WDR20: variants seen among roughly 807,000 people sequenced by gnomAD.
WDR20 encodes the protein WD repeat domain 20.
WDR20 carries 3 observed loss-of-function variants against 38.7 expected under a neutral mutation model. The ratio of observed to expected loss-of-function variants is 0.08; its 90% CI spans 0.04 to 0.20. The LOEUF is 0.20. Among genes scored for constraint, WDR20 ranks in the 10% least tolerant of loss-of-function variants. The pLI is 1.00. For missense variants in WDR20, 559 were observed against 727.7 expected (o/e 0.77, Z 2.67); for synonymous variants, 298 against 285.6 (o/e 1.04, Z -0.44).
At chr14:102,216,087 C>T (rs1278230688), downstream of WDR20, among the ~76,000 whole-genome samples, 2 of 152,202 alleles carry the variant, frequency 1.3e-5, no homozygotes, top group African/African-American at 2.4e-5. Context: ...GCTCTGCCTC[C>T]AGCACGTTCA....
At chr14:102,154,189 TA>T (rs2056838180) in intron 1 of WDR20, among the ~76,000 whole-genome samples, 1 of 152,216 alleles carries the variant, frequency 6.6e-6, no homozygotes, top group African/African-American at 2.4e-5. Flanking sequence ...TTTCATATAC[TA>T]CTTACTACTG....
At chr14:102,179,567 G>A (rs1006784684) in intron 1 of WDR20, among the ~76,000 whole-genome samples, 1 of 151,424 alleles carries the variant, frequency 6.6e-6, no homozygotes, top group Non-Finnish European at 1.5e-5. Context: ...ACAAACATGA[G>A]CCACCACACC....
chr14:102,214,304 T>C, downstream of WDR20: 1 of 985,450 alleles, frequency 1.0e-6, no homozygotes, highest in Non-Finnish European at 1.2e-6. Flanking sequence ...CGGGTGTTGC[T>C]TTAAGTTAAC....
At chr14:102,185,317 G>C (rs1348274185) in intron 1 of WDR20, among the ~76,000 whole-genome samples, 2 of 152,122 alleles carry the variant, frequency 1.3e-5, no homozygotes, top group Non-Finnish European at 1.5e-5. Flanking sequence ...AATTCTGTGA[G>C]GCAAATGATT....
intron 1 of WDR20, among the ~76,000 whole-genome samples, chr14:102,145,212 A>G (rs2053178904): frequency 6.6e-6 from 1 of 152,178 alleles, no homozygotes; most frequent in Admixed American, 6.5e-5. Context: ...TCTATACCAA[A>G]CTTGAAAGAG....
intron 1 of WDR20, among the ~76,000 whole-genome samples, chr14:102,181,595 TTATAAA>T (rs902096431): frequency 8.5e-5 from 13 of 152,210 alleles, no homozygotes; most frequent in Non-Finnish European, 1.6e-4. Context: ...TTTTTCCATA[TTATAAA>T]TATATTACAG....
Position 102,222,201 on chromosome 14 carries a change from C to T in WDR20, c.1693-629C>T, listed in dbSNP as rs908313162. ...TTGGCCCCCACATCCCTTCTCCACACCCAGCTGCAGCCTCACGGCAAGACT... is the reference window on the plus strand; with the variant it reads ...TTGGCCCCCACATCCCTTCTCCACATCCAGCTGCAGCCTCACGGCAAGACT... On this transcript the variant is annotated intron_variant, in intron 3 of 3. Transcript: ENST00000335263. This position sits in a 1 kb window ranked among gnomAD's most constrained non-coding sequence, Gnocchi z 4.4. 6.6e-6 allele frequency among the ~76,000 whole-genome samples: 1 copy of T among 152,130 alleles called. No homozygotes were observed. Among genetic ancestry groups the T allele is most frequent in the East Asian group, 1.9e-4 (1 of 5,186 alleles).
upstream of WDR20, chr14:102,139,651 C>G: frequency 1.5e-6 from 1 of 647,002 alleles, no homozygotes. Flanking sequence ...GCCGGCATCA[C>G]CTGGGAAGCA....
At chr14:102,165,619 T>C (rs1411713042) in intron 1 of WDR20, among the ~76,000 whole-genome samples, 1 of 151,254 alleles carries the variant, frequency 6.6e-6, no homozygotes, top group Non-Finnish European at 1.5e-5. Context: ...ATTTTTTGTT[T>C]CTTTTTCTTT....
chr14:102,171,661 CAT>C (rs2060844606), intron 1 of WDR20, among the ~76,000 whole-genome samples: 1 of 151,778 alleles, frequency 6.6e-6, no homozygotes, highest in African/African-American at 2.4e-5. Flanking sequence ...CAGTTTAAGA[CAT>C]AGTTGCCTGT....
At chr14:102,153,267 C>T (rs2056523479) in intron 1 of WDR20, among the ~76,000 whole-genome samples, 1 of 151,372 alleles carries the variant, frequency 6.6e-6, no homozygotes. Flanking sequence ...ACTATGCTTC[C>T]TGTAGAGGTT....
chr14:102,209,906 T>A lies in WDR20; in HGVS notation c.*26T>A. ...TGCTGCACCAGATCTAGAACTTGAA[T>A]AGGTAGTGACTTTTTTCTTTTTCGT... On this transcript the variant is annotated 3_prime_UTR_variant, in exon 3 of 3. Transcript: ENST00000342702. This position sits in a 1 kb window ranked among gnomAD's most constrained non-coding sequence, Gnocchi z 6.0. 2 of 1,568,716 alleles carry A rather than the reference T, an allele frequency of 1.3e-6. No homozygotes were observed. Among genetic ancestry groups the A allele is most frequent in the Non-Finnish European group, 8.6e-7 (1 of 1,158,232 alleles).
At chr14:102,153,282 A>G (rs1354896875) in intron 1 of WDR20, among the ~76,000 whole-genome samples, 1 of 150,910 alleles carries the variant, frequency 6.6e-6, no homozygotes, top group Admixed American at 6.7e-5. Flanking sequence ...GAGGTTGCAG[A>G]ACCATGAGCC....
intron 2 of WDR20, among the ~76,000 whole-genome samples, chr14:102,204,830 A>G: frequency 6.6e-6 from 1 of 152,250 alleles, no homozygotes; most frequent in East Asian, 1.9e-4. Context: ...ATTCATTGCT[A>G]CATAGATGTC....
At chr14:102,164,318 C>T (rs191216639) in intron 1 of WDR20, among the ~76,000 whole-genome samples, 126 of 151,816 alleles carry the variant, frequency 8.3e-4, no homozygotes, top group African/African-American at 2.8e-3. Flanking sequence ...CAGTTCCCGC[C>T]ATCATCTTGG....
intron 1 of WDR20, among the ~76,000 whole-genome samples, chr14:102,189,778 G>C (rs939030765): frequency 1.3e-5 from 2 of 152,132 alleles, no homozygotes; most frequent in African/African-American, 4.8e-5. Flanking sequence ...GTTTAATAAA[G>C]TTCTCCTTAA....
At chr14:102,212,644 C>T (rs754369548), downstream of WDR20, 18 of 1,532,888 alleles carry the variant, frequency 1.2e-5, no homozygotes, top group East Asian at 4.9e-5. Flanking sequence ...CCCTTCTCCT[C>T]GGCTGTGCTT....
At position 102,193,172 on chromosome 14, in the gene WDR20, G is replaced by A. The variant is rs58993852; in HGVS notation, c.250-1766G>A. ...GTGGCTGTCTTCCTCGTTCTGAGAT[G>A]AATGGCATGTGGTGTTCTCTCAGGC... On this transcript the variant is annotated intron_variant, in intron 1 of 2. Coordinates refer to ENST00000342702, the MANE Select transcript of WDR20 (RefSeq NM_144574.4). 3.8e-3 allele frequency among the ~76,000 whole-genome samples: 553 copies of A among 145,638 alleles called. 5 individuals are homozygous for A. The highest frequency in any genetic ancestry group is 0.013 in the African/African-American group (515 of 39,426).
At chr14:102,154,040 G>A (rs1000109496) in intron 1 of WDR20, among the ~76,000 whole-genome samples, 5 of 152,196 alleles carry the variant, frequency 3.3e-5, no homozygotes, top group Non-Finnish European at 5.9e-5. Context: ...GTGGTAGCAC[G>A]CACCTGTAGT....
Sources: gnomAD v4.1 joint callset for allele counts (sites outside exome capture counted in the v4.1 genomes callset) on GRCh38, gnomAD v4.1.1 for gene constraint, Gnocchi (gnomAD v3.1) non-coding constraint, MANE v1.5 for transcripts, NCBI Gene and HGNC (gene_info 2026-07-23, HGNC 2026-07-21) for gene names.